Variants in PDE4DIP observed in about 807,000 individuals in gnomAD.
PDE4DIP encodes myomegalin.
Under a neutral mutation model 221.4 loss-of-function variants are expected in PDE4DIP, and 59 were observed. That is an observed-to-expected ratio of 0.27 (90% CI 0.22 to 0.33). PDE4DIP has a LOEUF of 0.33. Ranked by LOEUF, PDE4DIP falls within the 10% of genes least tolerant of loss-of-function variation. The pLI, the probability that PDE4DIP is intolerant of heterozygous loss-of-function variation, is 1.00. For synonymous variants in PDE4DIP, 404 were observed against 815.9 expected, an observed-to-expected ratio of 0.50 and a Z score of 8.60; for missense variants, 1,036 against 2,154.2, an observed-to-expected ratio of 0.48 and a Z score of 10.28.
chr1:149,000,546 T>A (rs1170917107), intron 23 of PDE4DIP, among the ~76,000 whole-genome samples: 1 of 148,640 alleles, frequency 6.7e-6, no homozygotes, highest in African/African-American at 2.4e-5. Flanking sequence ...AGAGTGAGAC[T>A]CTGTCTCAAA....
intron 2 of PDE4DIP, chr1:148,930,619 A>AT (rs1491052717): frequency 1.1e-4 from 17 of 152,074 alleles, no homozygotes; most frequent in Admixed American, 1.0e-3. Flanking sequence ...AAAAAAAAAA[A>AT]AATACCTTGG....
chr1:148,935,392 C>G (rs1369808924), intron 4 of PDE4DIP, among the ~76,000 whole-genome samples: 1 of 109,522 alleles, frequency 9.1e-6, no homozygotes, highest in African/African-American at 3.5e-5. Context: ...CAACTTAACC[C>G]TAGTCTGAGG....
At chr1:149,024,308 G>C (rs1553624144) in intron 37 of PDE4DIP, 137 bp from the exon 41 acceptor site, 1 of 801,706 alleles carries the variant, frequency 1.2e-6, no homozygotes, top group Admixed American at 2.5e-5. Context: ...CAGAAATGGT[G>C]ACATCTCCAT....
chr1:148,901,729 G>A (rs1464522659), intron 1 of PDE4DIP, among the ~76,000 whole-genome samples: 5 of 95,978 alleles, frequency 5.2e-5, no homozygotes, highest in Non-Finnish European at 1.0e-4. Context: ...CAGAAAGAGG[G>A]TCTAGGCACT....
At chr1:148,975,914 T>A (rs2060085720) in intron 17 of PDE4DIP, among the ~76,000 whole-genome samples, 1 of 152,112 alleles carries the variant, frequency 6.6e-6, no homozygotes, top group Non-Finnish European at 1.5e-5. Context: ...TTATCATATT[T>A]TATCTTTTGA....
At chr1:148,862,237 C>T (rs1360891365) in intron 1 of PDE4DIP, among the ~76,000 whole-genome samples, 18 of 151,466 alleles carry the variant, frequency 1.2e-4, no homozygotes, top group Non-Finnish European at 2.4e-4. Context: ...TATTGTCTCC[C>T]CTTACTGTAA....
At chr1:148,981,372 G>A (rs1553542887) in exon 21 of PDE4DIP, 2 of 1,613,944 alleles carry the variant, frequency 1.2e-6, no homozygotes. Flanking sequence ...GCTTAAACAG[G>A]CTGGAGACCC....
chr1:148,963,884 G>C (rs1399465380), intron 9 of PDE4DIP, among the ~76,000 whole-genome samples: 9 of 145,640 alleles, frequency 6.2e-5, no homozygotes, highest in African/African-American at 2.3e-4. Context: ...CTCCCAAGTA[G>C]CTGGGACTAC....
At chr1:148,999,315 T>C (rs375140941) in intron 23 of PDE4DIP, among the ~76,000 whole-genome samples, 100 of 151,874 alleles carry the variant, frequency 6.6e-4, no homozygotes, top group South Asian at 1.5e-3. Flanking sequence ...TACAGCTGTA[T>C]GACTTCTAAA....
At chr1:149,028,075 G>A in intron 40 of PDE4DIP, among the ~76,000 whole-genome samples, 1 of 147,408 alleles carries the variant, frequency 6.8e-6, no homozygotes, top group Admixed American at 6.8e-5. Context: ...AGTCAGCAAA[G>A]CTTCTGAGAG....
At chr1:148,956,515 C>T (rs2055385305) in intron 5 of PDE4DIP, among the ~76,000 whole-genome samples, 1 of 152,090 alleles carries the variant, frequency 6.6e-6, no homozygotes, top group African/African-American at 2.4e-5. Context: ...GTATGAGGAC[C>T]TAAGGCTGTT....
In PDE4DIP at chr1:149,032,705, A is replaced by G. The variant is rs376982091; in HGVS notation, c.*720A>G. Reference sequence around the variant, plus strand: ...AGTTGCTGTCCCATTTTGTCACCCTATCTTATCTCGGGGAAATTGCAGACT... The same window carrying G: ...AGTTGCTGTCCCATTTTGTCACCCTGTCTTATCTCGGGGAAATTGCAGACT... On this transcript the variant is annotated 3_prime_UTR_variant, in exon 44 of 44. Transcript: ENST00000369354. 11 of 220,308 alleles carry G rather than the reference A, an allele frequency of 5.0e-5. No individual in the cohort carries two copies. The East Asian group carries it at 5.5e-4, about 11-fold the overall frequency. The allele number at this position is 220,308 out of a possible 1,614,324, so 13.6% of individuals were successfully genotyped here.
In PDE4DIP at chr1:148,923,574, C is replaced by T. The variant is rs1440911401; in HGVS notation, c.142-5623C>T. On this transcript the variant is annotated intron_variant, in intron 1 of 43. Coordinates refer to ENST00000369354, the Ensembl canonical transcript of PDE4DIP. ...CTGCAAGCTCCGCCTCCCGGGTTCA[C>T]GCCATTCTCCTGCCTCAGCCTCTCA... 4.1e-4 allele frequency among the ~76,000 whole-genome samples: 58 copies of T among 141,308 alleles called. 1 individual carries two copies. The highest frequency in any genetic ancestry group is 2.3e-4 in the Non-Finnish European group (15 of 66,206). The allele number at this position is 141,308 out of a possible 152,430, so 92.7% of individuals were successfully genotyped here. A position where few individuals can be genotyped will look rare whatever the true frequency, so the allele number is the denominator to read the frequency against.
intron 21 of PDE4DIP, among the ~76,000 whole-genome samples, chr1:148,987,094 C>G (rs17842348): frequency 0.056 from 8,478 of 152,182 alleles, 718 homozygotes; most frequent in East Asian, 0.46. Flanking sequence ...ATGATTTGGC[C>G]TTTTCAAGTA....
Position 148,996,923 on chromosome 1 carries a change from G to C in PDE4DIP, c.2905-1220G>C, listed in dbSNP as rs587774579. 1.5e-4 allele frequency among the ~76,000 whole-genome samples: 23 copies of C among 152,336 alleles called. 1 individual carries two copies. The highest frequency in any genetic ancestry group is 1.2e-3 in the Admixed American group (18 of 15,304). ...AATATTTGGATGACTTGGATAATTG[G>C]GGAATGATTCAGTATAGCCAGAATG... On this transcript the variant is annotated intron_variant, in intron 22 of 43. Transcript: ENST00000369354.
intron 41 of PDE4DIP, 74 bp downstream of exon 44, chr1:149,028,777 T>G: frequency 1.2e-6 from 1 of 811,574 alleles, no homozygotes; most frequent in South Asian, 1.7e-5. Flanking sequence ...CTCCTCAATG[T>G]CACAGCTTTT....
At chr1:148,941,968 C>G (rs1174561197) in intron 5 of PDE4DIP, 3 of 152,278 alleles carry the variant, frequency 2.0e-5, no homozygotes, top group Non-Finnish European at 4.4e-5. Flanking sequence ...TGGAATCCCT[C>G]ACTGATTCAG....
At chr1:148,935,349 C>T (rs1346762997) in intron 4 of PDE4DIP, among the ~76,000 whole-genome samples, 4 of 134,774 alleles carry the variant, frequency 3.0e-5, no homozygotes, top group Non-Finnish European at 6.4e-5. Flanking sequence ...TTTATTTGAA[C>T]CCATAGTTTG....
chr1:149,021,427 G>A (rs1179565709), intron 37 of PDE4DIP: 3 of 399,582 alleles, frequency 7.5e-6, no homozygotes, highest in South Asian at 5.3e-5. Flanking sequence ...ATTTTTGAAA[G>A]CAAAAGAACT....
Sources: gnomAD v4.1 joint callset for allele counts (sites outside exome capture counted in the v4.1 genomes callset) on GRCh38, gnomAD v4.1.1 for gene constraint, MANE v1.5 for transcripts, NCBI Gene and HGNC (gene_info 2026-07-23, HGNC 2026-07-21) for gene names.